LYPLA1: variants seen among roughly 807,000 people sequenced by gnomAD.
The protein encoded by LYPLA1 is lysophospholipase 1.
LYPLA1 carries 17 observed loss-of-function variants against 34.0 expected under a neutral mutation model. The ratio of observed to expected loss-of-function variants is 0.50; its 90% CI spans 0.34 to 0.75. LYPLA1 has a LOEUF of 0.75. Ranked by LOEUF, LYPLA1 falls within the 30% of genes least tolerant of loss-of-function variation. The pLI, the probability that LYPLA1 is intolerant of heterozygous loss-of-function variation, is 0.01. For synonymous variants in LYPLA1, 98 were observed against 100.8 expected (o/e 0.97, Z 0.17); for missense variants, 203 against 288.8 (o/e 0.70, Z 2.15).
At chr8:54,059,593 C>T (rs917298064) in intron 5 of LYPLA1, among the ~76,000 whole-genome samples, 3 of 151,698 alleles carry the variant, frequency 2.0e-5, no homozygotes, top group African/African-American at 4.9e-5. Context: ...CGTGAGCCAC[C>T]GCGCCCGGCC....
intron 2 of LYPLA1, among the ~76,000 whole-genome samples, chr8:54,085,442 C>T (rs928236180): frequency 2.0e-5 from 3 of 152,230 alleles, no homozygotes; most frequent in Admixed American, 6.5e-5. Flanking sequence ...TCTGCCCCGC[C>T]GCCCATCGTC....
At chr8:54,099,342 T>G (rs1420682980) in intron 2 of LYPLA1, among the ~76,000 whole-genome samples, 1 of 152,116 alleles carries the variant, frequency 6.6e-6, no homozygotes, top group Non-Finnish European at 1.5e-5. Context: ...TTTCTGTAAC[T>G]CCATACAAAG....
chr8:54,079,798 CT>C (rs1193065611), intron 2 of LYPLA1, among the ~76,000 whole-genome samples: 1 of 151,446 alleles, frequency 6.6e-6, no homozygotes, highest in Admixed American at 6.6e-5. Flanking sequence ...TCGTTTCCCC[CT>C]GAAATAAATA....
intron 8 of LYPLA1, 101 bp from the exon 9 acceptor site, chr8:54,048,219 C>T (rs894568218): frequency 3.2e-5 from 22 of 685,194 alleles, no homozygotes; most frequent in African/African-American, 5.4e-5. Context: ...TGCATAAAGG[C>T]GAAATCACAT....
intron 2 of LYPLA1, among the ~76,000 whole-genome samples, chr8:54,097,323 A>G (rs1193078038): frequency 6.6e-6 from 1 of 152,206 alleles, no homozygotes; most frequent in Non-Finnish European, 1.5e-5. Flanking sequence ...GAATCTAATC[A>G]TGAGTAAATA....
At chr8:54,090,581 G>A (rs1050273533) in intron 2 of LYPLA1, among the ~76,000 whole-genome samples, 10 of 151,906 alleles carry the variant, frequency 6.6e-5, no homozygotes, top group South Asian at 2.1e-4. Flanking sequence ...ACCTACCCCC[G>A]CCCTCACTAA....
At chr8:54,083,522 G>T (rs541900809) in intron 2 of LYPLA1, among the ~76,000 whole-genome samples, 3 of 152,218 alleles carry the variant, frequency 2.0e-5, no homozygotes, top group African/African-American at 7.2e-5. Context: ...GTCAATAATT[G>T]TTTTCTGCAA....
At chr8:54,083,152 A>G (rs1030420083) in intron 2 of LYPLA1, among the ~76,000 whole-genome samples, 1 of 152,234 alleles carries the variant, frequency 6.6e-6, no homozygotes, top group South Asian at 2.1e-4. Flanking sequence ...CTGTTAAATT[A>G]GTCTAGAAGA....
intron 2 of LYPLA1, among the ~76,000 whole-genome samples, chr8:54,090,589 T>G (rs1809156408): frequency 6.6e-6 from 1 of 152,134 alleles, no homozygotes; most frequent in Non-Finnish European, 1.5e-5. Context: ...CCGCCCTCAC[T>G]AAACTTAGTA....
intron 5 of LYPLA1, among the ~76,000 whole-genome samples, chr8:54,058,174 G>T (rs1198397010): frequency 1.3e-5 from 2 of 152,156 alleles, no homozygotes; most frequent in African/African-American, 4.8e-5. Context: ...ATTGTACGTA[G>T]TTAAGTGTTG....
At chr8:54,059,228 A>G (rs1806424948) in intron 5 of LYPLA1, among the ~76,000 whole-genome samples, 1 of 151,986 alleles carries the variant, frequency 6.6e-6, no homozygotes, top group Admixed American at 6.5e-5. Context: ...CTACTTTTTA[A>G]TGATCCCATA....
At chr8:54,090,471 A>C (rs906274968) in intron 2 of LYPLA1, among the ~76,000 whole-genome samples, 1 of 152,234 alleles carries the variant, frequency 6.6e-6, no homozygotes, top group Non-Finnish European at 1.5e-5. Flanking sequence ...TCTACATACA[A>C]ATGTACTATA....
In LYPLA1 at chr8:54,094,666, T is replaced by C. The variant is rs576791974; in HGVS notation, c.101+6242A>G. Among the ~76,000 whole-genome samples the C allele has an allele frequency of 3.0e-4, 45 of 152,312 alleles. 1 individual carries two copies. The South Asian group carries it at 8.9e-3, about 30-fold the overall frequency. On this transcript the variant is annotated intron_variant, in intron 2 of 8. Transcript: ENST00000316963. ...AGCACATATAGCATCCAGATCTCACTGTCTACTAAAAGGAACCAGGGTTCT... is the reference window on the plus strand; with the variant it reads ...AGCACATATAGCATCCAGATCTCACCGTCTACTAAAAGGAACCAGGGTTCT...
downstream of LYPLA1, among the ~76,000 whole-genome samples, chr8:54,044,012 A>G (rs952264917): frequency 1.3e-5 from 2 of 151,778 alleles, no homozygotes; most frequent in African/African-American, 4.8e-5. Flanking sequence ...TTGCCTCAGC[A>G]TCCCAAGTAG....
Position 54,101,495 on chromosome 8 carries a change from C to T in LYPLA1, c.69+260G>A. 2 of 1,122,086 alleles carry T rather than the reference C, an allele frequency of 1.8e-6. 1 individual carries two copies. Among genetic ancestry groups the T allele is most frequent in the East Asian group, 9.4e-5 (2 of 21,198 alleles). 69.5% of individuals were successfully genotyped at this position (1,122,086 alleles called of 1,614,324 possible). ...CAGAGGCTGACGCCGTGCCCTAGGCCGGCCCGCGGGGGTCCCGGGGCCACA... is the reference window on the plus strand; with the variant it reads ...CAGAGGCTGACGCCGTGCCCTAGGCTGGCCCGCGGGGGTCCCGGGGCCACA... On this transcript the variant is annotated intron_variant, in intron 1 of 8. Coordinates refer to ENST00000316963, the MANE Select transcript of LYPLA1 (RefSeq NM_006330.4).
intron 2 of LYPLA1, 60 bp from the exon 3 acceptor site, chr8:54,065,873 T>G: frequency 9.3e-7 from 1 of 1,077,388 alleles, no homozygotes. Context: ...AGTAAGTAAG[T>G]AGCAGAAGAG....
chr8:54,061,348 T>C (rs1416229354), intron 5 of LYPLA1, among the ~76,000 whole-genome samples: 1 of 152,224 alleles, frequency 6.6e-6, no homozygotes. Context: ...CCCAAAGTGC[T>C]GGGATTAAAG....
At chr8:54,100,678 G>T (rs1810059486) in intron 2 of LYPLA1, 1 of 516,230 alleles carries the variant, frequency 1.9e-6, no homozygotes. Context: ...TGAGGAATTT[G>T]AAATTTTAAT....
At chr8:54,092,733 G>A (rs1250622741) in intron 2 of LYPLA1, among the ~76,000 whole-genome samples, 1 of 152,146 alleles carries the variant, frequency 6.6e-6, no homozygotes, top group Non-Finnish European at 1.5e-5. Flanking sequence ...TGTAATGCCA[G>A]CACTTTGGGA....
Sources: gnomAD v4.1 joint callset for allele counts (sites outside exome capture counted in the v4.1 genomes callset) on GRCh38, gnomAD v4.1.1 for gene constraint, MANE v1.5 for transcripts, NCBI Gene and HGNC (gene_info 2026-07-23, HGNC 2026-07-21) for gene names.